The following DLGAP1 variants were observed in gnomAD, a reference collection of about 807,000 sequenced individuals.
DLGAP1 encodes the protein DLG associated protein 1.
In DLGAP1, 11 loss-of-function variants were observed where a neutral mutation model predicts 90.8. The ratio of observed to expected loss-of-function variants is 0.12; its 90% CI spans 0.08 to 0.20. The LOEUF is 0.20. Ranked by LOEUF, DLGAP1 falls within the 10% of genes least tolerant of loss-of-function variation. The probability of loss-of-function intolerance (pLI) is 1.00; values close to 1 mark genes in which losing one functional copy is unlikely to be tolerated. For synonymous variants in DLGAP1, 558 were observed against 540.7 expected (o/e 1.03, Z -0.44); for missense variants, 1,050 against 1,333.8 (o/e 0.79, Z 3.31).
intron 2 of DLGAP1, among the ~76,000 whole-genome samples, chr18:4,083,507 T>C (rs866872234): frequency 6.6e-6 from 1 of 152,216 alleles, no homozygotes; most frequent in Non-Finnish European, 1.5e-5. Context: ...TATTTTTATT[T>C]CTACTGATAT....
intron 5 of DLGAP1, among the ~76,000 whole-genome samples, chr18:3,779,015 C>T (rs142861989): frequency 3.3e-5 from 5 of 152,146 alleles, no homozygotes; most frequent in Admixed American, 3.3e-4. Context: ...GTCATCCCCC[C>T]ACGACCCAGG....
intron 7 of DLGAP1, chr18:3,598,426 C>G (rs539678934): frequency 1.3e-5 from 2 of 150,676 alleles, no homozygotes; most frequent in African/African-American, 4.9e-5. Flanking sequence ...CAGAGAAGAA[C>G]TTGTCCAGGT....
At chr18:3,550,317 C>T (rs1436112481) in intron 9 of DLGAP1, among the ~76,000 whole-genome samples, 1 of 152,004 alleles carries the variant, frequency 6.6e-6, no homozygotes, top group Non-Finnish European at 1.5e-5. Flanking sequence ...CCTCAACTTC[C>T]TGAGCTCAAG....
intron 2 of DLGAP1, among the ~76,000 whole-genome samples, chr18:4,009,387 C>T (rs888287459): frequency 6.6e-6 from 1 of 152,160 alleles, no homozygotes; most frequent in East Asian, 1.9e-4. Flanking sequence ...GTATTGCAGC[C>T]GATACTGGGA....
chr18:4,075,956 G>A (rs934691263), intron 2 of DLGAP1, among the ~76,000 whole-genome samples: 1 of 152,086 alleles, frequency 6.6e-6, no homozygotes, highest in Non-Finnish European at 1.5e-5. Flanking sequence ...TCCTGGATCC[G>A]CTATAGCTCT....
intron 1 of DLGAP1, among the ~76,000 whole-genome samples, chr18:4,162,876 A>G (rs1438408970): frequency 6.6e-6 from 1 of 151,964 alleles, no homozygotes; most frequent in Non-Finnish European, 1.5e-5. Flanking sequence ...ATATTTTGCA[A>G]TGTCAACGCA....
intron 3 of DLGAP1, among the ~76,000 whole-genome samples, chr18:3,927,081 G>C (rs2072408732): frequency 1.3e-5 from 2 of 152,082 alleles, no homozygotes; most frequent in Admixed American, 1.3e-4. Flanking sequence ...AAATAAATGA[G>C]AGAAAAAGAG....
chr18:4,420,872 G>C (rs1384035049), intron 1 of DLGAP1, among the ~76,000 whole-genome samples: 1 of 152,080 alleles, frequency 6.6e-6, no homozygotes, highest in Non-Finnish European at 1.5e-5. Flanking sequence ...ACCTCCACAT[G>C]AAATCAACCA....
intron 1 of DLGAP1, among the ~76,000 whole-genome samples, chr18:4,415,903 G>A (rs1026567950): frequency 6.6e-6 from 1 of 152,126 alleles, no homozygotes; most frequent in African/African-American, 2.4e-5. Context: ...ATATTGGTAA[G>A]TGCCTGAGAA....
At chr18:3,951,122 C>T (rs1401463172) in intron 3 of DLGAP1, among the ~76,000 whole-genome samples, 1 of 152,224 alleles carries the variant, frequency 6.6e-6, no homozygotes, top group Non-Finnish European at 1.5e-5. Context: ...TTAGTTCCTA[C>T]ATGTTTGCCC....
intron 7 of DLGAP1, among the ~76,000 whole-genome samples, chr18:3,687,336 A>T (rs2146967165): frequency 6.6e-6 from 1 of 152,312 alleles, no homozygotes; most frequent in East Asian, 1.9e-4. Context: ...GGCTTTTCTG[A>T]TTATATGATC....
intron 9 of DLGAP1, among the ~76,000 whole-genome samples, chr18:3,551,261 C>CTT (rs55798388): frequency 7.3e-5 from 11 of 151,022 alleles, no homozygotes; most frequent in African/African-American, 2.0e-4. Context: ...TTCTTTTTTT[C>CTT]TTTTTTTGTA....
rs928266782 is a variant in DLGAP1, at chr18:3,593,700, A to G, written c.1592-11452T>C. On this transcript the variant is annotated intron_variant, in intron 7 of 12. Coordinates refer to ENST00000315677, the MANE Select transcript of DLGAP1 (RefSeq NM_004746.4). ...TATTCCAGACACTTCCTAACGCCAG[A>G]CAAATGCCCCAAGCCTCGGCATGTC... is the stretch of plus-strand genomic sequence containing the variant. 4 of 152,310 alleles carry G rather than the reference A, an allele frequency of 2.6e-5. No homozygotes were observed. The East Asian group carries it at 7.7e-4, about 29-fold the overall frequency. The allele number at this position is 152,310 out of a possible 1,614,324, so 9.4% of individuals were successfully genotyped here.
chr18:3,785,172 A>T (rs1001687944), intron 5 of DLGAP1, among the ~76,000 whole-genome samples: 1 of 152,232 alleles, frequency 6.6e-6, no homozygotes, highest in African/African-American at 2.4e-5. Context: ...CTGCTGTAAC[A>T]AATTACCACA....
intron 7 of DLGAP1, chr18:3,593,614 G>A (rs1287727367): frequency 1.3e-5 from 2 of 152,218 alleles, no homozygotes; most frequent in Non-Finnish European, 2.9e-5. Context: ...GGATGTGAAT[G>A]AAATGGAGGG....
chr18:3,555,916 C>T (rs954953031), intron 9 of DLGAP1, among the ~76,000 whole-genome samples: 9 of 152,246 alleles, frequency 5.9e-5, no homozygotes, highest in African/African-American at 2.2e-4. Flanking sequence ...ACTTTCTCCT[C>T]CTTTTTTTTG....
At chr18:4,364,569 T>C in intron 1 of DLGAP1, among the ~76,000 whole-genome samples, 1 of 152,012 alleles carries the variant, frequency 6.6e-6, no homozygotes, top group Non-Finnish European at 1.5e-5. Flanking sequence ...GATGCTGCCA[T>C]ATATTATTTA....
At chr18:3,544,864 T>C (rs988474108) in intron 9 of DLGAP1, among the ~76,000 whole-genome samples, 2 of 151,946 alleles carry the variant, frequency 1.3e-5, no homozygotes, top group African/African-American at 2.4e-5. Flanking sequence ...CTCAACCTCC[T>C]GTGTAGCTGA....
chr18:4,226,270 A>G (rs2078184993), intron 1 of DLGAP1, among the ~76,000 whole-genome samples: 1 of 152,152 alleles, frequency 6.6e-6, no homozygotes, highest in Non-Finnish European at 1.5e-5. Context: ...TATTTCATCA[A>G]CACCAGACCT....
Sources: gnomAD v4.1 joint callset for allele counts (sites outside exome capture counted in the v4.1 genomes callset) on GRCh38, gnomAD v4.1.1 for gene constraint, MANE v1.5 for transcripts, NCBI Gene and HGNC (gene_info 2026-07-23, HGNC 2026-07-21) for gene names.